Variants in CDK19 observed in about 807,000 individuals in gnomAD.
The protein encoded by CDK19 is cyclin-dependent kinase 19.
In CDK19, 20 loss-of-function variants were observed where a neutral mutation model predicts 68.3. The ratio of observed to expected loss-of-function variants is 0.29; its 90% confidence interval spans 0.21 to 0.43. The LOEUF (loss-of-function observed/expected upper bound fraction) is 0.43. Ranked by LOEUF, CDK19 falls within the 20% of genes least tolerant of loss-of-function variation. CDK19 has a pLI of 1.00. For missense variants in CDK19, 339 were observed against 623.5 expected (o/e 0.54, Z 4.86); for synonymous variants, 221 against 222.8 (o/e 0.99, Z 0.07).
intron 12 of CDK19, among the ~76,000 whole-genome samples, chr6:110,619,828 G>C (rs1778595041): frequency 2.6e-5 from 4 of 151,890 alleles, no homozygotes. Flanking sequence ...CTGTTGCAGT[G>C]GTCCCTTTAT....
intron 2 of CDK19, among the ~76,000 whole-genome samples, chr6:110,724,355 TA>T (rs527343481): frequency 3.4e-4 from 50 of 146,780 alleles, no homozygotes; most frequent in East Asian, 3.9e-4. Context: ...AACTCCACCT[TA>T]AAAAAAAAAA....
intron 1 of CDK19, among the ~76,000 whole-genome samples, chr6:110,794,396 T>C (rs1368113442): frequency 7.4e-6 from 1 of 135,912 alleles, no homozygotes; most frequent in Non-Finnish European, 1.6e-5. Flanking sequence ...CTCTCTCCAG[T>C]AGTTTGAAAC....
At chr6:110,699,668 A>T (rs548497008) in intron 2 of CDK19, among the ~76,000 whole-genome samples, 1 of 152,278 alleles carries the variant, frequency 6.6e-6, no homozygotes, top group African/African-American at 2.4e-5. Context: ...AAAATTCACC[A>T]CTATATAATT....
At chr6:110,677,655 T>G (rs1179534733) in intron 2 of CDK19, among the ~76,000 whole-genome samples, 1 of 150,904 alleles carries the variant, frequency 6.6e-6, no homozygotes, top group Non-Finnish European at 1.5e-5. Flanking sequence ...GTAGGGTAAA[T>G]GGGTCAGTGG....
intron 2 of CDK19, among the ~76,000 whole-genome samples, chr6:110,709,997 G>GT (rs1774823285): frequency 6.6e-6 from 1 of 152,040 alleles, no homozygotes; most frequent in Non-Finnish European, 1.5e-5. Context: ...AAAGACTATA[G>GT]TATCAATTAT....
rs149623812 is a variant in CDK19, at chr6:110,668,993, T to C, written c.316-1419A>G. The stretch of plus-strand genomic sequence containing the variant: ...TTATGATTATATTTATTTTGAAATA[T>C]GGTATTGGACAGTACAGTTCTACAG... On this transcript the variant is annotated intron_variant, in intron 3 of 12. Coordinates refer to ENST00000368911, the MANE Select transcript of CDK19 (RefSeq NM_015076.5). 1.6e-3 allele frequency among the ~76,000 whole-genome samples: 246 copies of C among 152,366 alleles called. 1 individual carries two copies. Among genetic ancestry groups the C allele is most frequent in the African/African-American group, 5.7e-3 (237 of 41,588 alleles).
intron 1 of CDK19, among the ~76,000 whole-genome samples, chr6:110,791,582 T>C (rs1781597793): frequency 6.6e-6 from 1 of 152,196 alleles, no homozygotes; most frequent in African/African-American, 2.4e-5. Flanking sequence ...GAAAGAAGTG[T>C]AGAAAAACAT....
intron 4 of CDK19, among the ~76,000 whole-genome samples, chr6:110,659,767 T>C (rs1194130650): frequency 6.6e-6 from 1 of 152,120 alleles, no homozygotes; most frequent in Non-Finnish European, 1.5e-5. Flanking sequence ...TTAGGAAACA[T>C]ATTTTGAATT....
chr6:110,632,227 C>T, intron 5 of CDK19, 66 bp from the exon 6 acceptor site: 1 of 1,329,968 alleles, frequency 7.5e-7, no homozygotes, highest in Non-Finnish European at 1.0e-6. Context: ...TGGCTAAGAT[C>T]AAGTGTAAAA....
rs564561475 is a variant in CDK19, at chr6:110,703,731, T to G, written c.205-33190A>C. Among the ~76,000 whole-genome samples, 4 of 152,200 alleles carry G rather than the reference T, an allele frequency of 2.6e-5. No individual in the cohort carries two copies. In the South Asian group the frequency reaches 6.2e-4, roughly 24 times the overall value. On this transcript the variant is annotated intron_variant, in intron 2 of 12. Coordinates refer to ENST00000368911, the MANE Select transcript of CDK19 (RefSeq NM_015076.5). ...GGCATGCACCTGTAGTCCCAGCAAC[T>G]CGGGAGGCTGAAGTGGGAGGATTGC...
chr6:110,724,441 C>A (rs969849705), intron 2 of CDK19, among the ~76,000 whole-genome samples: 1 of 151,994 alleles, frequency 6.6e-6, no homozygotes, highest in African/African-American at 2.4e-5. Context: ...TTAGGGACAC[C>A]AAGGTGGACT....
At chr6:110,775,891 C>T (rs568486327) in intron 1 of CDK19, among the ~76,000 whole-genome samples, 8 of 152,310 alleles carry the variant, frequency 5.3e-5, no homozygotes, top group African/African-American at 1.9e-4. Context: ...GCCCTGAAGC[C>T]AGGTGACTTG....
At chr6:110,798,533 G>A (rs1583128385) in intron 1 of CDK19, among the ~76,000 whole-genome samples, 1 of 148,918 alleles carries the variant, frequency 6.7e-6, no homozygotes, top group Non-Finnish European at 1.5e-5. Context: ...CTGAGGGCAA[G>A]AGAATCCCTT....
At chr6:110,727,679 G>C (rs947011854) in intron 2 of CDK19, among the ~76,000 whole-genome samples, 1 of 151,970 alleles carries the variant, frequency 6.6e-6, no homozygotes, top group Non-Finnish European at 1.5e-5. Context: ...CCTCTCTCAA[G>C]AAGAGCGACT....
chr6:110,773,205 C>A (rs978429358), intron 1 of CDK19, among the ~76,000 whole-genome samples: 1 of 151,760 alleles, frequency 6.6e-6, no homozygotes, highest in Non-Finnish European at 1.5e-5. Context: ...ATTAGCTGGG[C>A]GTGATGGTGC....
At chr6:110,623,178 T>C in intron 9 of CDK19, 112 bp downstream of exon 9, 1 of 855,254 alleles carries the variant, frequency 1.2e-6, no homozygotes, top group Non-Finnish European at 1.9e-6. Context: ...TATTTAATTT[T>C]ACCCCAGCAT....
At chr6:110,669,376 C>T (rs977060770) in intron 3 of CDK19, among the ~76,000 whole-genome samples, 1 of 152,186 alleles carries the variant, frequency 6.6e-6, no homozygotes, top group African/African-American at 2.4e-5. Flanking sequence ...ACTTGGAAGG[C>T]TGAGGCAGGA....
In CDK19 at chr6:110,627,340, ATGTG is replaced by A. The variant is rs1018184466; in HGVS notation, c.647-199_647-196del. On this transcript the variant is annotated intron_variant, in intron 6 of 12. Coordinates refer to ENST00000368911, the MANE Select transcript of CDK19 (RefSeq NM_015076.5). ...TGTGTATATATAGGTATGTATATAT[ATGTG>A]TGTGTATGTGTATATATATATACAT... is the stretch of plus-strand genomic sequence containing the variant. Among the ~76,000 whole-genome samples, 383 of 151,904 alleles carry A rather than the reference ATGTG, an allele frequency of 2.5e-3. 1 individual carries two copies. The highest frequency in any genetic ancestry group is 8.7e-3 in the African/African-American group (358 of 41,272).
At chr6:110,628,173 C>T (rs1417335701) in intron 6 of CDK19, among the ~76,000 whole-genome samples, 2 of 151,938 alleles carry the variant, frequency 1.3e-5, no homozygotes, top group Non-Finnish European at 2.9e-5. Context: ...ATCATGCCAC[C>T]GTACTCCAGC....
Sources: allele counts gnomAD v4.1 joint callset (sites outside exome capture counted in the v4.1 genomes callset), GRCh38; gene constraint gnomAD v4.1.1; transcripts MANE v1.5; gene names NCBI Gene and HGNC (gene_info 2026-07-23, HGNC 2026-07-21).